TOMM70: variants seen among roughly 807,000 people sequenced by gnomAD.
The protein encoded by TOMM70 is mitochondrial import receptor subunit TOM70.
In TOMM70, 13 loss-of-function variants were observed where a neutral mutation model predicts 73.6. That is an observed-to-expected ratio of 0.18 (90% CI 0.11 to 0.28). The LOEUF (loss-of-function observed/expected upper bound fraction) is 0.28, where lower values mean the gene tolerates loss of function less well. Ranked by LOEUF, TOMM70 falls within the 10% of genes least tolerant of loss-of-function variation. The probability of loss-of-function intolerance (pLI) is 1.00; values close to 1 mark genes in which losing one functional copy is unlikely to be tolerated. For missense variants in TOMM70, 609 were observed against 747.5 expected (o/e 0.81, Z 2.16); for synonymous variants, 257 against 271.2 (o/e 0.95, Z 0.51).
At chr3:100,384,703 G>T in intron 3 of TOMM70, 115 bp from the exon 4 acceptor site, 2 of 605,412 alleles carry the variant, frequency 3.3e-6, no homozygotes, top group Non-Finnish European at 5.4e-6. Flanking sequence ...GGCCAAATGG[G>T]ACTGTTTCAT....
chr3:100,381,571 C>A (rs1310677852), intron 5 of TOMM70, 44 bp downstream of exon 5: 1 of 1,571,340 alleles, frequency 6.4e-7, no homozygotes. Context: ...AAGTTCAAAG[C>A]ACCCAAAACA....
chr3:100,380,802 ATCTTC>A (rs1706625079), intron 5 of TOMM70, among the ~76,000 whole-genome samples: 1 of 152,238 alleles, frequency 6.6e-6, no homozygotes, highest in South Asian at 2.1e-4. Context: ...TATGCACAGT[ATCTTC>A]TCTTAAAAGG....
chr3:100,375,265 A>G (rs1320921495), intron 6 of TOMM70, 113 bp from the exon 7 acceptor site: 1 of 1,301,546 alleles, frequency 7.7e-7, no homozygotes, highest in East Asian at 2.6e-5. Context: ...TCACCCTTTT[A>G]AAGTATGCAT....
chr3:100,379,979 T>C (rs765090735), intron 5 of TOMM70, among the ~76,000 whole-genome samples: 11 of 152,322 alleles, frequency 7.2e-5, no homozygotes, highest in Non-Finnish European at 1.3e-4. Flanking sequence ...ATAAGCTCTA[T>C]GCTAACCTCT....
chr3:100,378,432 T>C (rs985112073), intron 5 of TOMM70, among the ~76,000 whole-genome samples: 53 of 152,038 alleles, frequency 3.5e-4, no homozygotes, highest in Non-Finnish European at 4.4e-5. Flanking sequence ...TAGACGGGGA[T>C]TTTCTTGAAA....
chr3:100,398,431 T>C (rs1706849209), intron 1 of TOMM70, among the ~76,000 whole-genome samples: 1 of 152,082 alleles, frequency 6.6e-6, no homozygotes, highest in Non-Finnish European at 1.5e-5. Flanking sequence ...GAAACTATCT[T>C]TATTTTTAAT....
At chr3:100,390,983 C>CA (rs1201887904) in intron 1 of TOMM70, among the ~76,000 whole-genome samples, 72 of 141,346 alleles carry the variant, frequency 5.1e-4, no homozygotes, top group East Asian at 1.8e-3. Context: ...ACTAAAAATA[C>CA]AAAAAAAATT....
chr3:100,390,737 G>C (rs551041382), intron 1 of TOMM70, among the ~76,000 whole-genome samples: 2 of 152,102 alleles, frequency 1.3e-5, no homozygotes, highest in African/African-American at 2.4e-5. Context: ...GCTGAGTCAG[G>C]AGAATCACGC....
At chr3:100,377,319 ATATAT>A (rs1189005605) in intron 6 of TOMM70, 1 of 166,804 alleles carries the variant, frequency 6.0e-6, no homozygotes, top group Non-Finnish European at 1.3e-5. Flanking sequence ...ACCTTTCTGA[ATATAT>A]TAATGTGTTT....
chr3:100,372,529 G>C, intron 9 of TOMM70, 77 bp downstream of exon 9: 2 of 1,161,370 alleles, frequency 1.7e-6, no homozygotes, highest in East Asian at 4.7e-5. Flanking sequence ...AACCATGATA[G>C]CACTGTTTTC....
intron 3 of TOMM70, among the ~76,000 whole-genome samples, chr3:100,385,954 C>T (rs1473735780): frequency 6.6e-6 from 1 of 152,110 alleles, no homozygotes; most frequent in Non-Finnish European, 1.5e-5. Flanking sequence ...GAGAATTATA[C>T]TAATGCTCAT....
Position 100,369,062 on chromosome 3 carries a change from T to G in TOMM70, c.1526A>C (p.Asn509Thr). ...YDKCIDLEPD[N>T]ATTYVHKGLL... ...CCCTTTATGAACATATGTTGTAGCATTATCTGGTTCCAAATCAATACATTT... is the reference window on the plus strand; with the variant it reads ...CCCTTTATGAACATATGTTGTAGCAGTATCTGGTTCCAAATCAATACATTT... The change falls in exon 10 of 12, where the codon AAT becomes ACT. Residue 509 changes from asparagine (N) to threonine (T), a missense_variant. Around this residue, in one of 2 missense-constraint regions of TOMM70, gnomAD observed 432 missense variants for 584.1 expected, o/e 0.74. Transcript: ENST00000284320. 6.2e-7 allele frequency: 1 copy of G among 1,611,964 alleles called. No individual in the cohort carries two copies. The highest frequency in any genetic ancestry group is 1.1e-5 in the South Asian group (1 of 90,970).
intron 4 of TOMM70, among the ~76,000 whole-genome samples, chr3:100,382,913 A>G (rs902344759): frequency 3.5e-4 from 53 of 152,342 alleles, no homozygotes; most frequent in Non-Finnish European, 3.8e-4. Context: ...AAATGGCAAT[A>G]GAAATATTTG....
chr3:100,383,835 T>C (rs539009411), intron 4 of TOMM70, among the ~76,000 whole-genome samples: 46 of 152,360 alleles, frequency 3.0e-4, no homozygotes, highest in Non-Finnish European at 5.7e-4. Flanking sequence ...ACATCTCACC[T>C]TGGGCACTTA....
chr3:100,375,825 C>T (rs1447347249), intron 6 of TOMM70, among the ~76,000 whole-genome samples: 2 of 152,204 alleles, frequency 1.3e-5, no homozygotes, highest in African/African-American at 4.8e-5. Context: ...TGAGCCTCCA[C>T]ACCCAGCTCT....
chr3:100,377,635 A>G (rs1368263189), intron 6 of TOMM70, 70 bp downstream of exon 6: 3 of 1,492,626 alleles, frequency 2.0e-6, no homozygotes, highest in Non-Finnish European at 2.7e-6. Context: ...GCTTTAAAAA[A>G]TCTGGCAAAA....
chr3:100,365,068 C>CTT lies in TOMM70; in HGVS notation c.*494_*495dup, dbSNP rs1175309556. 2 of 153,724 alleles carry CTT rather than the reference C, an allele frequency of 1.3e-5. No homozygotes were observed. The highest frequency in any genetic ancestry group is 4.8e-5 in the African/African-American group (2 of 41,448). The allele number at this position is 153,724 out of a possible 1,614,324, so 9.5% of individuals were successfully genotyped here. ...TGGTTTAAAGGGTCTCTCAATTTTA[C>CTT]TTTAATCCCCCATTTAACCTTTGTT... is the stretch of plus-strand genomic sequence containing the variant. On this transcript the variant is annotated 3_prime_UTR_variant, in exon 12 of 12. Transcript: ENST00000284320.
At chr3:100,365,750 A>T (rs1706442254) in intron 11 of TOMM70, 33 bp from the exon 12 acceptor site, 1 of 1,611,650 alleles carries the variant, frequency 6.2e-7, no homozygotes, top group Middle Eastern at 1.7e-4. Flanking sequence ...TCTCAGATTC[A>T]ACAAGCACTT....
intron 1 of TOMM70, among the ~76,000 whole-genome samples, chr3:100,389,030 G>GA (rs147855242): frequency 0.11 from 16,309 of 147,750 alleles, 1,243 homozygotes; most frequent in African/African-American, 0.21. Flanking sequence ...GAAAGGCATA[G>GA]AAAAAAAAAA....
Sources: allele counts gnomAD v4.1 joint callset (sites outside exome capture counted in the v4.1 genomes callset), GRCh38; gene constraint gnomAD v4.1.1; regional missense constraint gnomAD v4.1.1; transcripts MANE v1.5; gene names NCBI Gene and HGNC (gene_info 2026-07-23, HGNC 2026-07-21).